Variants in DNAH8 observed in about 807,000 individuals in gnomAD.
The protein encoded by DNAH8 is dynein axonemal heavy chain 8, also known as axonemal beta dynein heavy chain 8.
A neutral mutation model predicts 562.1 loss-of-function variants in DNAH8; 382 were observed. That is an observed-to-expected ratio of 0.68 (90% CI 0.63 to 0.74). The LOEUF is 0.74. DNAH8 is among the 30% of genes least tolerant of loss of function. The pLI is 0.00. For synonymous variants in DNAH8, 1,881 were observed against 1,919.4 expected (o/e 0.98, Z 0.52); for missense variants, 5,203 against 5,620.4 (o/e 0.93, Z 2.37).
At chr6:38,804,851 A>G (rs1267296248) in intron 22 of DNAH8, among the ~76,000 whole-genome samples, 2 of 138,008 alleles carry the variant, frequency 1.4e-5, no homozygotes, top group South Asian at 2.4e-4. Context: ...TTTGCCCCCA[A>G]GGGAATATTT....
chr6:38,743,004 G>GT (rs1395330801), intron 8 of DNAH8, among the ~76,000 whole-genome samples: 31 of 86,320 alleles, frequency 3.6e-4, no homozygotes, highest in South Asian at 1.3e-3. Context: ...TGTTGTTGTT[G>GT]TGCTTTTTTT....
At chr6:38,866,413 G>C (rs963145169) in intron 45 of DNAH8, among the ~76,000 whole-genome samples, 178 bp from the exon 46 acceptor site, 2 of 152,034 alleles carry the variant, frequency 1.3e-5, no homozygotes, top group Non-Finnish European at 2.9e-5. Flanking sequence ...ATATAAAAGG[G>C]CATATAAATA....
At chr6:38,834,515 A>G (rs925857977) in intron 31 of DNAH8, 64 bp from the exon 32 acceptor site, 16 of 1,123,338 alleles carry the variant, frequency 1.4e-5, no homozygotes, top group African/African-American at 9.5e-5. Flanking sequence ...TAATAGATAA[A>G]CCCAATAAAC....
chr6:38,723,039 A>G lies in DNAH8; in HGVS notation c.230A>G (p.His77Arg). 2 of 1,612,910 alleles carry G rather than the reference A, an allele frequency of 1.2e-6. No homozygotes were observed. The highest frequency in any genetic ancestry group is 2.2e-5 in the South Asian group (2 of 91,084). ...GAAGGGATAGTTCTTCCAGATGATC[A>G]TGAAGCGGATCTGAATAGAGTTCGA... ...SEEGIVLPDD[H>R]EADLNRVRQR... The change falls in exon 2 of 93, where the codon CAT (histidine) becomes CGT (arginine). Residue 77 changes from histidine to arginine, a missense_variant. Coordinates refer to ENST00000327475, the MANE Select transcript of DNAH8 (RefSeq NM_001206927.2).
In DNAH8 at chr6:38,790,120, T is replaced by A. The variant is rs147681194; in HGVS notation, c.2665-169T>A. Reference sequence around the variant, plus strand: ...TTTCTGAAAATTCATGATTGTTTCCTGGACAGCCAAAGATGGTTAAAAATA... The same window carrying A: ...TTTCTGAAAATTCATGATTGTTTCCAGGACAGCCAAAGATGGTTAAAAATA... On this transcript the variant is annotated intron_variant, in intron 19 of 92. Transcript: ENST00000327475. Among the ~76,000 whole-genome samples the A allele has an allele frequency of 2.8e-3, 423 of 152,314 alleles. 2 individuals are homozygous for A. Among genetic ancestry groups the A allele is most frequent in the Middle Eastern group, 0.01 (3 of 294 alleles).
At chr6:38,776,312 A>C (rs1465000890) in intron 13 of DNAH8, among the ~76,000 whole-genome samples, 1 of 150,520 alleles carries the variant, frequency 6.6e-6, no homozygotes, top group Non-Finnish European at 1.5e-5. Context: ...CCACCTCCCG[A>C]GTTCAAGTGA....
At chr6:38,866,918 G>GT (rs760458333) in intron 47 of DNAH8, 42 bp downstream of exon 47, 11 of 1,252,320 alleles carry the variant, frequency 8.8e-6, no homozygotes, top group South Asian at 2.6e-5. Flanking sequence ...ATAGTATTTG[G>GT]TTTTTTTGCT....
intron 87 of DNAH8, among the ~76,000 whole-genome samples, chr6:38,985,019 T>TA (rs1764292364): frequency 6.6e-6 from 1 of 152,142 alleles, no homozygotes; most frequent in Admixed American, 6.6e-5. Flanking sequence ...GTGAAAGTCT[T>TA]ATGGTGATTT....
At chr6:38,785,116 A>G (rs950582213) in intron 17 of DNAH8, among the ~76,000 whole-genome samples, 3 of 152,252 alleles carry the variant, frequency 2.0e-5, no homozygotes, top group Non-Finnish European at 4.4e-5. Context: ...TACTTTCAAT[A>G]TGAAGTAGAA....
chr6:38,729,026 A>G (rs1269946020), intron 3 of DNAH8, among the ~76,000 whole-genome samples: 1 of 152,210 alleles, frequency 6.6e-6, no homozygotes, highest in African/African-American at 2.4e-5. Context: ...AACATGGCGA[A>G]ACCCCATCTT....
At chr6:38,910,320 AAGCATGAC>A (rs1052239069) in intron 65 of DNAH8, among the ~76,000 whole-genome samples, 21 of 152,194 alleles carry the variant, frequency 1.4e-4, no homozygotes, top group African/African-American at 5.1e-4. Flanking sequence ...TTTTTCCCCA[AAGCATGAC>A]AGTCACTGTG....
intron 21 of DNAH8, among the ~76,000 whole-genome samples, chr6:38,800,379 A>G (rs765290449): frequency 2.0e-5 from 3 of 151,972 alleles, no homozygotes; most frequent in South Asian, 2.1e-4. Flanking sequence ...GAGGGTTCCA[A>G]TTGCTCTACA....
chr6:39,012,393 A>G (rs201330389), intron 90 of DNAH8, 26 bp downstream of exon 90: 4 of 1,608,060 alleles, frequency 2.5e-6, no homozygotes, highest in Admixed American at 1.7e-5. Context: ...ATCAGTAGGC[A>G]TTTCCTTCTT....
Position 38,737,122 on chromosome 6 carries a change from A to T in DNAH8, c.818A>T (p.Asp273Val). 6.3e-7 allele frequency: 1 copy of T among 1,584,982 alleles called. No homozygotes were observed. Among genetic ancestry groups the T allele is most frequent in the Non-Finnish European group, 8.6e-7 (1 of 1,168,210 alleles). The stretch of plus-strand genomic sequence containing the variant: ...AAAGGACTCTTAAATGGAATTAGGG[A>T]TATGTTGGCAAATATATTTCTACCA... ...ASKGLLNGIRDMLANIFLPAV... is the reference protein window; with the variant it reads ...ASKGLLNGIRVMLANIFLPAV... Residue 273 changes from aspartate (D) to valine (V), a missense_variant, in exon 6 of 93, where the codon GAT becomes GTT. Asp to Val is a radical substitution (Grantham distance 152). Transcript: ENST00000327475.
rs531946782 is a variant in DNAH8, at chr6:38,753,895, G to C, written c.1408-2077G>C. ...TTTTGAAATGACAGAAGTACTAATAGCATTGAGTCATATAATTGCTTCCCA... is the reference window on the plus strand; with the variant it reads ...TTTTGAAATGACAGAAGTACTAATACCATTGAGTCATATAATTGCTTCCCA... On this transcript the variant is annotated intron_variant, in intron 9 of 92. Transcript: ENST00000327475. Among the ~76,000 whole-genome samples, 3 of 152,192 alleles carry C rather than the reference G, an allele frequency of 2.0e-5. No individual in the cohort carries two copies. The South Asian group carries it at 6.2e-4, about 32-fold the overall frequency.
intron 4 of DNAH8, among the ~76,000 whole-genome samples, chr6:38,730,598 G>A (rs1000073506): frequency 3.3e-5 from 5 of 152,108 alleles, no homozygotes; most frequent in East Asian, 1.9e-4. Context: ...GCCTTCCCTG[G>A]TGTTCCAGAT....
intron 68 of DNAH8, among the ~76,000 whole-genome samples, chr6:38,915,912 A>G (rs1404530364): frequency 6.6e-6 from 1 of 152,074 alleles, no homozygotes; most frequent in Admixed American, 6.6e-5. Context: ...GGATATATAC[A>G]CACATATATA....
chr6:38,883,045 A>T lies in DNAH8; in HGVS notation c.7994A>T (p.Gln2665Leu), dbSNP rs1778631292. 1.3e-6 allele frequency: 2 copies of T among 1,590,198 alleles called. No homozygotes were observed. Among genetic ancestry groups the T allele is most frequent in the African/African-American group, 1.4e-5 (1 of 73,772 alleles). Reference sequence around the variant, plus strand: ...TTTTTGATAGACACCATTGCAAAACAACATAAAGTAAGTTTAATAGATAGT... The same window carrying T: ...TTTTTGATAGACACCATTGCAAAACTACATAAAGTAAGTTTAATAGATAGT... ...TNFLIDTIAK[Q>L]HKAVLLTGEQ... The change falls in exon 54 of 93, where the codon CAA (glutamine) becomes CTA (leucine). Residue 2665 changes from glutamine (Q) to leucine (L), a missense_variant. By Grantham distance (113) the Gln-to-Leu change is moderately radical. This residue lies in a region of DNAH8 where 977 missense variants were observed against 1,061.8 expected (regional missense o/e 0.92). Transcript: ENST00000327475.
At chr6:38,747,373 T>C (rs1306069351) in intron 8 of DNAH8, among the ~76,000 whole-genome samples, 1 of 108,218 alleles carries the variant, frequency 9.2e-6, no homozygotes, top group Non-Finnish European at 2.1e-5. Flanking sequence ...TCATTTTCTT[T>C]TTTTCTTTTT....
Sources: gnomAD v4.1 joint callset for allele counts (sites outside exome capture counted in the v4.1 genomes callset) on GRCh38, gnomAD v4.1.1 for gene constraint, gnomAD v4.1.1 regional missense constraint, MANE v1.5 for transcripts, NCBI Gene and HGNC (gene_info 2026-07-23, HGNC 2026-07-21) for gene names.